Variants in ADIPOR1 observed in about 807,000 individuals in gnomAD.
ADIPOR1 encodes adiponectin receptor 1.
ADIPOR1 carries 15 observed loss-of-function variants against 37.5 expected under a neutral mutation model. That is an observed-to-expected ratio of 0.40 (90% CI 0.27 to 0.62). ADIPOR1 has a LOEUF of 0.62. Ranked by LOEUF, ADIPOR1 falls within the 20% of genes least tolerant of loss-of-function variation. The probability of loss-of-function intolerance (pLI) is 0.42; values close to 1 mark genes in which losing one functional copy is unlikely to be tolerated. For missense variants in ADIPOR1, 286 were observed against 478.0 expected, an observed-to-expected ratio of 0.60 and a Z score of 3.75; for synonymous variants, 173 against 173.2, an observed-to-expected ratio of 1.00 and a Z score of 0.01.
chr1:202,950,939 G>A lies in ADIPOR1; in HGVS notation c.132C>T (p.Asn44=), dbSNP rs34357845. Residue 44 remains asparagine (N), a synonymous_variant, in exon 2 of 8, where the codon AAC becomes AAT. Transcript: ENST00000340990. ...TGGGAAGATGACTTACTTTGGGTGG[G>A]TTGGCGATTACCCGTTTGCCCTTCT... ...LEEKGKRVIA[N]PPKAEEEQTC... 2.3e-3 allele frequency: 3,750 copies of A among 1,614,138 alleles called. 91 individuals carry two copies. The African/African-American group carries it at 0.044, about 19-fold the overall frequency.
At chr1:202,952,984 T>C (rs1283128221) in intron 1 of ADIPOR1, among the ~76,000 whole-genome samples, 1 of 152,206 alleles carries the variant, frequency 6.6e-6, no homozygotes, top group Non-Finnish European at 1.5e-5. Context: ...GACCTTTATA[T>C]GGTGTCAACA....
At chr1:202,953,207 A>G (rs1654645463) in intron 1 of ADIPOR1, among the ~76,000 whole-genome samples, 1 of 150,980 alleles carries the variant, frequency 6.6e-6, no homozygotes, top group Non-Finnish European at 1.5e-5. Context: ...CTGAATCAGC[A>G]GCTTTACTAA....
intron 3 of ADIPOR1, among the ~76,000 whole-genome samples, chr1:202,947,414 C>T (rs1022346370): frequency 3.3e-5 from 5 of 151,708 alleles, no homozygotes; most frequent in Non-Finnish European, 7.4e-5. Flanking sequence ...CCCAGCTACT[C>T]GGGAGGCTGA....
At chr1:202,955,809 G>A (rs112617118) in intron 1 of ADIPOR1, among the ~76,000 whole-genome samples, 1 of 152,098 alleles carries the variant, frequency 6.6e-6, no homozygotes, top group Admixed American at 6.5e-5. Flanking sequence ...CAAGGGCCTT[G>A]CTCTATCCCC....
intron 6 of ADIPOR1, among the ~76,000 whole-genome samples, chr1:202,943,201 T>C (rs1164770126): frequency 2.0e-5 from 3 of 152,206 alleles, no homozygotes; most frequent in Admixed American, 6.5e-5. Flanking sequence ...GGTTAAAACA[T>C]AGCAGATATT....
intron 6 of ADIPOR1, 90 bp from the exon 7 acceptor site, chr1:202,942,308 G>A (rs1654126468): frequency 4.0e-6 from 5 of 1,256,786 alleles, no homozygotes; most frequent in Admixed American, 5.2e-5. Context: ...CAATGTTTAT[G>A]ATAATTAGCT....
At chr1:202,953,944 C>T (rs1469338873) in intron 1 of ADIPOR1, among the ~76,000 whole-genome samples, 1 of 152,142 alleles carries the variant, frequency 6.6e-6, no homozygotes, top group East Asian at 1.9e-4. Context: ...AATTAGGGTC[C>T]AAAGATCATG....
chr1:202,953,426 G>C (rs1325119429), intron 1 of ADIPOR1, among the ~76,000 whole-genome samples: 1 of 152,126 alleles, frequency 6.6e-6, no homozygotes, highest in African/African-American at 2.4e-5. Flanking sequence ...CTGGTTCTGA[G>C]ATGCAATACA....
chr1:202,956,541 T>C (rs539773345), intron 1 of ADIPOR1, among the ~76,000 whole-genome samples: 14 of 152,236 alleles, frequency 9.2e-5, no homozygotes, highest in African/African-American at 2.9e-4. Flanking sequence ...CTAATATCAC[T>C]ACAAGGCTTA....
chr1:202,952,967 T>C (rs765826987), intron 1 of ADIPOR1, among the ~76,000 whole-genome samples: 10 of 152,342 alleles, frequency 6.6e-5, no homozygotes, highest in South Asian at 4.1e-4. Flanking sequence ...TAACTTGCTA[T>C]ACAGCAGACC....
intron 1 of ADIPOR1, among the ~76,000 whole-genome samples, chr1:202,951,977 G>C (rs1201518160): frequency 6.6e-6 from 1 of 152,142 alleles, no homozygotes; most frequent in Non-Finnish European, 1.5e-5. Flanking sequence ...TCAGAAACTA[G>C]AGACAGGCAC....
Position 202,950,098 on chromosome 1 carries a change from G to T in ADIPOR1, c.141+832C>A, listed in dbSNP as rs540726560. Among the ~76,000 whole-genome samples the T allele has an allele frequency of 2.9e-3, 438 of 152,146 alleles. 2 individuals carry two copies. The highest frequency in any genetic ancestry group is 0.01 in the African/African-American group (421 of 41,560). On this transcript the variant is annotated intron_variant, in intron 2 of 7. Transcript: ENST00000340990. ...CTGCCTCAGCCTCCCGAGTAGCTGGGATTACAGGCGACTGCCACCACACCC... is the reference window on the plus strand; with the variant it reads ...CTGCCTCAGCCTCCCGAGTAGCTGGTATTACAGGCGACTGCCACCACACCC...
At chr1:202,953,140 A>G (rs960580844) in intron 1 of ADIPOR1, among the ~76,000 whole-genome samples, 3 of 152,172 alleles carry the variant, frequency 2.0e-5, no homozygotes, top group African/African-American at 7.2e-5. Flanking sequence ...GAGGGACACA[A>G]GGAAATCTTT....
intron 7 of ADIPOR1, 44 bp downstream of exon 7, chr1:202,941,981 G>A (rs1178914524): frequency 2.5e-6 from 4 of 1,569,124 alleles, no homozygotes; most frequent in Admixed American, 1.8e-5. Flanking sequence ...ACTTTGGGCT[G>A]TTCACTCACC....
intron 1 of ADIPOR1, among the ~76,000 whole-genome samples, chr1:202,953,731 T>G (rs1654671840): frequency 6.6e-6 from 1 of 152,180 alleles, no homozygotes; most frequent in Non-Finnish European, 1.5e-5. Flanking sequence ...CAAGTTATAG[T>G]ATTGTTTTCA....
At chr1:202,949,973 G>GT (rs1012643497) in intron 2 of ADIPOR1, among the ~76,000 whole-genome samples, 4 of 152,098 alleles carry the variant, frequency 2.6e-5, no homozygotes, top group East Asian at 2.0e-4. Flanking sequence ...ATTTATTTTT[G>GT]TTTTTTCTGA....
chr1:202,951,454 C>T (rs59551689), intron 1 of ADIPOR1, among the ~76,000 whole-genome samples: 6,351 of 152,182 alleles, frequency 0.042, 177 homozygotes, highest in South Asian at 0.11. Flanking sequence ...CAGCTACCCA[C>T]CCTCAACTCC....
chr1:202,943,913 A>G lies in ADIPOR1; in HGVS notation c.650T>C (p.Met217Thr). The change falls in exon 6 of 8, where the codon ATG becomes ACG. Residue 217 changes from methionine to threonine, a missense_variant. Transcript: ENST00000340990. ...LDYSGIALLI[M>T]GSFVPWLYYS... ...ATAGAGCCAGGGGACAAAGCTCCCC[A>G]TAATTAGAAGAGCAATCCCTGAATA... 1 of 1,613,914 alleles carries G rather than the reference A, an allele frequency of 6.2e-7. No homozygotes were observed. Among genetic ancestry groups the G allele is most frequent in the Non-Finnish European group, 8.5e-7 (1 of 1,179,878 alleles).
chr1:202,946,842 T>C (rs1402939604), intron 3 of ADIPOR1, among the ~76,000 whole-genome samples: 1 of 150,046 alleles, frequency 6.7e-6, no homozygotes, highest in Non-Finnish European at 1.5e-5. Flanking sequence ...TGGCTGAGTG[T>C]AGCGGCTCAT....
Sources: gnomAD v4.1 joint callset for allele counts (sites outside exome capture counted in the v4.1 genomes callset) on GRCh38, gnomAD v4.1.1 for gene constraint, MANE v1.5 for transcripts, NCBI Gene and HGNC (gene_info 2026-07-23, HGNC 2026-07-21) for gene names.